LEPR: variants seen among roughly 807,000 people sequenced by gnomAD.
LEPR encodes the protein OB receptor.
A neutral mutation model predicts 114.7 loss-of-function variants in LEPR; 56 were observed. The observed-to-expected ratio is 0.49, with a 90% confidence interval of 0.39 to 0.61. The LOEUF (loss-of-function observed/expected upper bound fraction) is 0.61. Among genes scored for constraint, LEPR ranks in the 20% least tolerant of loss-of-function variants. The pLI is 0.00. For synonymous variants in LEPR, 443 were observed against 461.4 expected (o/e 0.96, Z 0.51); for missense variants, 1,202 against 1,352.9 (o/e 0.89, Z 1.75).
intron 2 of LEPR, among the ~76,000 whole-genome samples, chr1:65,457,058 A>G (rs1347933823): frequency 2.0e-5 from 3 of 152,204 alleles, no homozygotes; most frequent in African/African-American, 7.2e-5. Context: ...TTCAAATAAC[A>G]CTATACTGCT....
At position 65,601,946 on chromosome 1, in the gene LEPR, A is replaced by G. The variant is rs1656466096; in HGVS notation, c.1389A>G (p.Gln463=). 2.5e-6 allele frequency: 4 copies of G among 1,613,298 alleles called. No homozygotes were observed. Among genetic ancestry groups the G allele is most frequent in the African/African-American group, 1.3e-5 (1 of 74,896 alleles). Residue 463 remains glutamine, a synonymous_variant, in exon 10 of 20, where the codon CAA becomes CAG. Coordinates refer to ENST00000349533, the MANE Select transcript of LEPR (RefSeq NM_002303.6). ...AGTCACTTGCGGAAAGCACTTTGCAATTGAGGTATCATAGGTACGTATTAT... is the reference window on the plus strand; with the variant it reads ...AGTCACTTGCGGAAAGCACTTTGCAGTTGAGGTATCATAGGTACGTATTAT... ...TIQSLAESTL[Q]LRYHRSSLYC... is the part of the protein sequence containing the mutation.
Position 65,633,211 on chromosome 1 carries a change from T to C in LEPR, c.2674-2980T>C. The C allele has an allele frequency of 6.2e-7, 1 of 1,609,444 alleles. No individual in the cohort carries two copies. Among genetic ancestry groups the C allele is most frequent in the East Asian group, 2.2e-5 (1 of 44,740 alleles). On this transcript the variant is annotated intron_variant, in intron 19 of 19. Coordinates refer to ENST00000349533, the MANE Select transcript of LEPR (RefSeq NM_002303.6). The surrounding 1 kb of genome is among the most constrained non-coding windows in gnomAD (Gnocchi z 4.1). ...CTACAGATGAACCCAATGTGCCAAC[T>C]TCCCAACAGTCTATAGAGTATTAGA...
At chr1:65,605,540 GT>G (rs1330363601) in intron 11 of LEPR, among the ~76,000 whole-genome samples, 3 of 152,054 alleles carry the variant, frequency 2.0e-5, no homozygotes, top group Non-Finnish European at 2.9e-5. Flanking sequence ...ATTATTTTAT[GT>G]TTTTGTTCCA....
In LEPR at chr1:65,572,317, T is replaced by TTTA; in HGVS notation, c.371-9_371-8insTTA. The TTTA allele has an allele frequency of 3.3e-6, 4 of 1,223,880 alleles. No homozygotes were observed. The highest frequency in any genetic ancestry group is 1.4e-5 in the South Asian group (1 of 68,996). 75.8% of individuals were successfully genotyped at this position (1,223,880 alleles called of 1,614,324 possible). A position where few individuals can be genotyped will look rare whatever the true frequency, so the allele number is the denominator to read the frequency against. On this transcript the variant is annotated splice_polypyrimidine_tract_variant and intron_variant, in intron 4 of 19. Transcript: ENST00000349533. ...TTTTTTTTTTTTTTTTTTTTTTTTT[T>TTTA]AAATTCAGATGCAAACTGGAACATA...
chr1:65,525,636 C>T (rs931399918), intron 2 of LEPR: 90 of 985,720 alleles, frequency 9.1e-5, no homozygotes, highest in Non-Finnish European at 9.8e-5. Context: ...CCTGCTCAGC[C>T]CCACCTCCCC....
chr1:65,430,997 T>C (rs1014701472), intron 2 of LEPR, among the ~76,000 whole-genome samples: 4 of 152,098 alleles, frequency 2.6e-5, no homozygotes, highest in Non-Finnish European at 4.4e-5. Context: ...AAGAATCCAG[T>C]GTGGTAGAGC....
intron 3 of LEPR, among the ~76,000 whole-genome samples, chr1:65,566,432 C>G (rs559233185): frequency 6.6e-4 from 101 of 152,236 alleles, no homozygotes; most frequent in African/African-American, 2.4e-3. Flanking sequence ...AATCTCTTGA[C>G]CTCGTGATCT....
intron 2 of LEPR, chr1:65,433,261 CA>C: frequency 1.0e-6 from 1 of 985,424 alleles, no homozygotes; most frequent in East Asian, 1.1e-4. Flanking sequence ...TGTAAGCACG[CA>C]GTGGGTGAAC....
rs145446742 is a variant in LEPR at position 65,434,976 on chromosome 1, C to T, written c.-21+9598C>T. 938 of 985,424 alleles carry T rather than the reference C, an allele frequency of 9.5e-4. 6 individuals are homozygous for T. In the East Asian group the frequency reaches 0.017, roughly 18 times the overall value. 61.0% of individuals were successfully genotyped at this position (985,424 alleles called of 1,614,324 possible). A position where few individuals can be genotyped will look rare whatever the true frequency, so the allele number is the denominator to read the frequency against. ...ATTCCTTTTGACACCTGCATTGGGC[C>T]GACTGCCATTCCCATGACTGCTGCA... is the stretch of plus-strand genomic sequence containing the variant. On this transcript the variant is annotated intron_variant, in intron 2 of 19. Transcript: ENST00000349533.
At chr1:65,603,225 ATG>A (rs1656568671) in intron 10 of LEPR, among the ~76,000 whole-genome samples, 1 of 152,118 alleles carries the variant, frequency 6.6e-6, no homozygotes, top group Non-Finnish European at 1.5e-5. Flanking sequence ...TTTTGCTGTC[ATG>A]ATAATGATGC....
intron 19 of LEPR, among the ~76,000 whole-genome samples, chr1:65,624,391 A>G (rs1262348248): frequency 6.6e-6 from 1 of 152,160 alleles, no homozygotes; most frequent in African/African-American, 2.4e-5. Context: ...GTGGTTCGGT[A>G]ACTTGTTTTA....
chr1:65,632,618 C>T (rs1658568991), intron 19 of LEPR, among the ~76,000 whole-genome samples: 1 of 152,082 alleles, frequency 6.6e-6, no homozygotes, highest in African/African-American at 2.4e-5. Context: ...ATCTTGGCAG[C>T]CTCAATTGCT....
intron 2 of LEPR, among the ~76,000 whole-genome samples, chr1:65,502,401 A>T (rs1438857822): frequency 6.6e-6 from 1 of 151,892 alleles, no homozygotes; most frequent in Non-Finnish European, 1.5e-5. Flanking sequence ...GTAAAAAAAC[A>T]CATTTCTGAT....
chr1:65,500,566 C>T (rs1648394555), intron 2 of LEPR, among the ~76,000 whole-genome samples: 1 of 152,116 alleles, frequency 6.6e-6, no homozygotes, highest in Admixed American at 6.6e-5. Context: ...TGATCCATTT[C>T]CACTTAATGA....
intron 19 of LEPR, chr1:65,634,036 A>G: frequency 9.1e-6 from 9 of 985,380 alleles, no homozygotes; most frequent in Non-Finnish European, 1.1e-5. Context: ...AGTGATGCAA[A>G]AAAGGGAGAC....
At chr1:65,539,745 G>T (rs1193837632) in intron 2 of LEPR, among the ~76,000 whole-genome samples, 1 of 152,188 alleles carries the variant, frequency 6.6e-6, no homozygotes, top group Non-Finnish European at 1.5e-5. Context: ...GGCTCCATCA[G>T]TTAGAGGCAT....
intron 2 of LEPR, chr1:65,526,544 T>C (rs923946391): frequency 6.7e-6 from 3 of 445,500 alleles, no homozygotes; most frequent in Non-Finnish European, 8.9e-6. Flanking sequence ...TGGAGTTCTT[T>C]ATACTGAAGG....
intron 14 of LEPR, among the ~76,000 whole-genome samples, chr1:65,613,775 A>C (rs1468401224): frequency 6.7e-6 from 1 of 150,106 alleles, no homozygotes. Flanking sequence ...AAAAAAAAAA[A>C]AAAAAAACCA....
chr1:65,490,744 C>A (rs955128632), intron 2 of LEPR, among the ~76,000 whole-genome samples: 1 of 152,046 alleles, frequency 6.6e-6, no homozygotes, highest in Non-Finnish European at 1.5e-5. Context: ...TATCCTTGGG[C>A]CTAAAAACAA....
Sources: gnomAD v4.1 joint callset for allele counts (sites outside exome capture counted in the v4.1 genomes callset) on GRCh38, gnomAD v4.1.1 for gene constraint, Gnocchi (gnomAD v3.1) non-coding constraint, MANE v1.5 for transcripts, NCBI Gene and HGNC (gene_info 2026-07-23, HGNC 2026-07-21) for gene names.